RAB33A: variants seen among roughly 807,000 people sequenced by gnomAD.
The protein encoded by RAB33A is RAB33A, member RAS oncogene family.
Under a neutral mutation model 12.0 loss-of-function variants are expected in RAB33A, and 6 were observed. That is an observed-to-expected ratio of 0.50 (90% CI 0.27 to 0.99). RAB33A has a LOEUF of 0.99. Ranked by LOEUF, RAB33A falls within the 50% of genes least tolerant of loss-of-function variation. RAB33A has a pLI of 0.11. For missense variants in RAB33A, 109 were observed against 192.0 expected (o/e 0.57, Z 2.55); for synonymous variants, 70 against 82.4 (o/e 0.85, Z 0.81).
intron 1 of RAB33A, among the ~76,000 whole-genome samples, chrX:130,180,971 G>A (rs2031720630): frequency 1.3e-5 from 1 of 77,415 alleles, no homozygotes. Context: ...TTGCACCACT[G>A]CACTCCAGCC....
the RAB33A span, chrX:130,147,421 A>C: frequency 8.4e-7 from 1 of 1,183,834 alleles, no homozygotes; most frequent in Non-Finnish European, 1.1e-6. Flanking sequence ...GTACACAGTC[A>C]GTGGCAAAAT....
the RAB33A span, chrX:130,155,232 G>A: frequency 8.3e-7 from 1 of 1,210,388 alleles, no homozygotes; most frequent in Non-Finnish European, 1.1e-6. Flanking sequence ...TTTCCCAGAA[G>A]CACCTGTAGA....
chrX:130,147,588 G>A, the RAB33A span: 4 of 1,212,211 alleles, frequency 3.3e-6, no homozygotes, highest in South Asian at 7.0e-5. Context: ...GAGGTCGCAT[G>A]TACGGCAGCT....
chrX:130,168,039 T>C (rs952208947), upstream of RAB33A, among the ~76,000 whole-genome samples: 14 of 108,053 alleles, frequency 1.3e-4, no homozygotes, highest in Admixed American at 1.4e-3. Flanking sequence ...TAGCCAGGCG[T>C]GGTGGTATGT....
At chrX:130,146,988 C>T in the RAB33A span, among the ~76,000 whole-genome samples, 3 of 111,003 alleles carry the variant, frequency 2.7e-5, no homozygotes, top group African/African-American at 9.8e-5. Flanking sequence ...GATAAAACCC[C>T]ATCTCTACTA....
the RAB33A span, among the ~76,000 whole-genome samples, chrX:130,123,695 T>C: frequency 1.8e-5 from 1 of 54,120 alleles, no homozygotes; most frequent in East Asian, 6.8e-4. Context: ...AGGGAGACTC[T>C]GTCTCAAAAA....
At chrX:130,120,442 A>C in the RAB33A span, among the ~76,000 whole-genome samples, 4 of 111,020 alleles carry the variant, frequency 3.6e-5, no homozygotes, top group Admixed American at 2.9e-4. Flanking sequence ...CAGGCTAGAG[A>C]GTGGCTGTTC....
Position 130,184,335 on chromosome X carries a change from C to T in RAB33A, c.309C>T (p.Val103=), listed in dbSNP as rs141080193. The change falls in exon 2 of 2, where the codon GTC becomes GTT. Residue 103 remains valine, a synonymous_variant. Transcript: ENST00000257017. ...AGQERFRKSM[V]EHYYRNVHAV... Reference sequence around the variant, plus strand: ...AGGAACGTTTCCGCAAAAGCATGGTCGAGCATTACTACCGCAACGTACATG... The same window carrying T: ...AGGAACGTTTCCGCAAAAGCATGGTTGAGCATTACTACCGCAACGTACATG... 4 of 1,210,402 alleles carry T rather than the reference C, an allele frequency of 3.3e-6. No homozygotes were observed. Among genetic ancestry groups the T allele is most frequent in the African/African-American group, 3.5e-5 (2 of 57,348 alleles).
At chrX:130,133,014 G>C in the RAB33A span, among the ~76,000 whole-genome samples, 2 of 111,505 alleles carry the variant, frequency 1.8e-5, no homozygotes, top group African/African-American at 3.3e-5. Flanking sequence ...GACCTATTTT[G>C]CCGGAAGTGC....
At chrX:130,153,352 CAAAAAAA>C in the RAB33A span, among the ~76,000 whole-genome samples, 7 of 42,860 alleles carry the variant, frequency 1.6e-4, no homozygotes, top group Non-Finnish European at 2.8e-4. Context: ...GACTCCGTTT[CAAAAAAA>C]AAAAAAAAAA....
chrX:130,176,110 C>T (rs2031661775), intron 1 of RAB33A, among the ~76,000 whole-genome samples: 1 of 111,818 alleles, frequency 8.9e-6, no homozygotes, highest in African/African-American at 3.3e-5. Context: ...AGATAGCTGA[C>T]AGTCTTTCCT....
intron 1 of RAB33A, among the ~76,000 whole-genome samples, chrX:130,179,301 G>C (rs2031697138): frequency 8.9e-6 from 1 of 112,009 alleles, no homozygotes; most frequent in African/African-American, 3.2e-5. Context: ...CCAAAGAAAA[G>C]CCAAATGGCC....
chrX:130,169,087 A>G (rs906946870), upstream of RAB33A, among the ~76,000 whole-genome samples: 5 of 109,397 alleles, frequency 4.6e-5, no homozygotes, highest in Non-Finnish European at 9.5e-5. Context: ...GGGCGCCTGT[A>G]GTCCCAGCTA....
the RAB33A span, among the ~76,000 whole-genome samples, chrX:130,125,027 CAT>C: frequency 1.5e-3 from 168 of 111,982 alleles, no homozygotes; most frequent in African/African-American, 5.1e-3. Context: ...TCTGTGTTCA[CAT>C]GATTATGGAG....
the RAB33A span, among the ~76,000 whole-genome samples, chrX:130,152,214 G>A: frequency 1.8e-5 from 2 of 111,976 alleles, no homozygotes; most frequent in Non-Finnish European, 3.8e-5. Flanking sequence ...CAGGGGCCAT[G>A]TTCATTGAGA....
the RAB33A span, chrX:130,130,089 G>C: frequency 8.3e-7 from 1 of 1,211,830 alleles, no homozygotes; most frequent in Non-Finnish European, 1.1e-6. Flanking sequence ...GGAGCCTGTG[G>C]AACTGCCGGG....
the RAB33A span, among the ~76,000 whole-genome samples, chrX:130,120,648 C>A: frequency 1.8e-5 from 2 of 112,541 alleles, no homozygotes; most frequent in Non-Finnish European, 3.8e-5. Context: ...GGAACCAGCC[C>A]CCGACCTGGG....
the RAB33A span, among the ~76,000 whole-genome samples, chrX:130,152,711 G>C: frequency 8.9e-6 from 1 of 111,931 alleles, no homozygotes; most frequent in Non-Finnish European, 1.9e-5. Context: ...CAGGTCCTAG[G>C]GAAAGTTACC....
upstream of RAB33A, among the ~76,000 whole-genome samples, chrX:130,171,141 C>A (rs972354578): frequency 8.8e-6 from 1 of 113,329 alleles, no homozygotes; most frequent in Non-Finnish European, 1.9e-5. Context: ...AACAGTTACA[C>A]CCCCTACACA....
Sources: gnomAD v4.1 joint callset for allele counts (sites outside exome capture counted in the v4.1 genomes callset) on GRCh38, gnomAD v4.1.1 for gene constraint, MANE v1.5 for transcripts, NCBI Gene and HGNC (gene_info 2026-07-23, HGNC 2026-07-21) for gene names.